NFIA: variants seen among roughly 807,000 people sequenced by gnomAD.
NFIA encodes nuclear factor I A.
A neutral mutation model predicts 62.8 loss-of-function variants in NFIA; 8 were observed. The ratio of observed to expected loss-of-function variants is 0.13; its 90% CI spans 0.07 to 0.23. NFIA has a LOEUF of 0.23. Among genes scored for constraint, NFIA ranks in the 10% least tolerant of loss-of-function variants. The pLI is 1.00. For synonymous variants in NFIA, 235 were observed against 238.1 expected (o/e 0.99, Z 0.12); for missense variants, 410 against 642.1 (o/e 0.64, Z 3.91).
intron 10 of NFIA, among the ~76,000 whole-genome samples, chr1:61,442,324 G>A (rs1033293549): frequency 6.6e-6 from 1 of 152,122 alleles, no homozygotes; most frequent in Non-Finnish European, 1.5e-5. Flanking sequence ...AAAATTATAG[G>A]TGAATGAAAC....
chr1:61,096,373 A>T (rs1400764082), intron 2 of NFIA, among the ~76,000 whole-genome samples: 1 of 150,748 alleles, frequency 6.6e-6, no homozygotes, highest in Admixed American at 6.6e-5. Context: ...ACCCCCATGC[A>T]TGTAATTTTT....
intron 2 of NFIA, among the ~76,000 whole-genome samples, chr1:61,201,669 C>G (rs1174929109): frequency 6.6e-6 from 1 of 152,086 alleles, no homozygotes; most frequent in African/African-American, 2.4e-5. Flanking sequence ...CCTTGAGAAG[C>G]ATAATTTAAT....
intron 5 of NFIA, among the ~76,000 whole-genome samples, chr1:61,357,038 G>T (rs897727609): frequency 6.6e-6 from 1 of 151,990 alleles, no homozygotes; most frequent in African/African-American, 2.4e-5. Flanking sequence ...AGATTATTTC[G>T]GGGAGTCTAC....
In NFIA at chr1:61,459,435, C is replaced by T. The variant is rs41309159; in HGVS notation, c.*4115C>T. The T allele has an allele frequency of 0.057, 8,614 of 152,302 alleles. 332 individuals are homozygous for T. The highest frequency in any genetic ancestry group is 0.095 in the Middle Eastern group (28 of 296). The allele number at this position is 152,302 out of a possible 1,614,324, so 9.4% of individuals were successfully genotyped here. A position where few individuals can be genotyped will look rare whatever the true frequency, so the allele number is the denominator to read the frequency against. ...GGGCCTCCCAGTAATGCCACGCTCTCCATGCTAGAGAGCCTTCTCTTTCCT... is the reference window on the plus strand; with the variant it reads ...GGGCCTCCCAGTAATGCCACGCTCTTCATGCTAGAGAGCCTTCTCTTTCCT... On this transcript the variant is annotated 3_prime_UTR_variant, in exon 11 of 11. Transcript: ENST00000403491.
At chr1:61,098,025 C>T (rs994473752) in intron 2 of NFIA, among the ~76,000 whole-genome samples, 4 of 152,030 alleles carry the variant, frequency 2.6e-5, no homozygotes, top group Non-Finnish European at 5.9e-5. Flanking sequence ...TTTAACATTC[C>T]AAATGAATGA....
At chr1:61,119,390 A>T (rs1026097418) in intron 2 of NFIA, among the ~76,000 whole-genome samples, 2 of 152,248 alleles carry the variant, frequency 1.3e-5, no homozygotes, top group Admixed American at 1.3e-4. Context: ...TTTTAGAAAT[A>T]GCTCTAGAAA....
chr1:61,391,435 AACACACACACACACAC>A (rs60938787), intron 7 of NFIA, among the ~76,000 whole-genome samples: 245 of 124,672 alleles, frequency 2.0e-3, no homozygotes, highest in African/African-American at 4.4e-3. Flanking sequence ...TTATGAATCA[AACACACACACACACAC>A]ACACACACAC....
At chr1:61,115,757 A>G (rs1349003028) in intron 2 of NFIA, among the ~76,000 whole-genome samples, 1 of 152,218 alleles carries the variant, frequency 6.6e-6, no homozygotes, top group African/African-American at 2.4e-5. Context: ...TGTTGAAAAC[A>G]TTTGTCCACT....
intron 3 of NFIA, among the ~76,000 whole-genome samples, chr1:61,315,273 G>A (rs1046644886): frequency 2.0e-5 from 3 of 152,164 alleles, no homozygotes; most frequent in Non-Finnish European, 4.4e-5. Flanking sequence ...AAATGCCTAC[G>A]GTAGTGAAAA....
intron 7 of NFIA, among the ~76,000 whole-genome samples, chr1:61,397,294 C>A (rs1210532735): frequency 6.6e-6 from 1 of 152,144 alleles, no homozygotes; most frequent in Non-Finnish European, 1.5e-5. Context: ...ATTGTTGCTA[C>A]TGCTGTTGTT....
chr1:61,205,253 T>C (rs1652818856), intron 2 of NFIA, among the ~76,000 whole-genome samples: 2 of 152,206 alleles, frequency 1.3e-5, no homozygotes, highest in South Asian at 4.1e-4. Flanking sequence ...CTTAATATTA[T>C]ACTAAGTTGC....
chr1:61,275,530 A>G (rs1050172563), intron 2 of NFIA, among the ~76,000 whole-genome samples: 67 of 152,214 alleles, frequency 4.4e-4, no homozygotes, highest in African/African-American at 1.5e-3. Context: ...GTGATTAATT[A>G]TAAAGATATT....
At position 61,404,295 on chromosome 1, in the gene NFIA, C is replaced by T; in HGVS notation, c.1254+13C>T. ...GGGGTTCCTCAATGTAAGGAAACCTCTTTTTTTCCATTTCTTTAGAAATGT... is the reference window on the plus strand; with the variant it reads ...GGGGTTCCTCAATGTAAGGAAACCTTTTTTTTTCCATTTCTTTAGAAATGT... On this transcript the variant is annotated intron_variant, in intron 8 of 10. Coordinates refer to ENST00000403491, the MANE Select transcript of NFIA (RefSeq NM_001134673.4). The T allele has an allele frequency of 6.3e-7, 1 of 1,586,106 alleles. No individual in the cohort carries two copies. Among genetic ancestry groups the T allele is most frequent in the Non-Finnish European group, 8.6e-7 (1 of 1,168,246 alleles).
intron 2 of NFIA, among the ~76,000 whole-genome samples, chr1:61,216,059 G>A (rs1653604499): frequency 6.6e-6 from 1 of 152,210 alleles, no homozygotes; most frequent in Non-Finnish European, 1.5e-5. Flanking sequence ...TGGTGCTGAT[G>A]CACTGTGATA....
intron 9 of NFIA, among the ~76,000 whole-genome samples, chr1:61,418,567 T>C (rs1666463275): frequency 1.3e-5 from 2 of 152,360 alleles, no homozygotes; most frequent in South Asian, 4.1e-4. Context: ...TTGATCATGA[T>C]ATATGTGTGT....
intron 2 of NFIA, among the ~76,000 whole-genome samples, chr1:61,234,239 T>C (rs1029557681): frequency 6.6e-6 from 1 of 151,956 alleles, no homozygotes; most frequent in Non-Finnish European, 1.5e-5. Context: ...TGTTGGCACA[T>C]GCCTGTAATC....
chr1:61,153,930 A>C (rs942645809), intron 2 of NFIA, among the ~76,000 whole-genome samples: 1 of 152,198 alleles, frequency 6.6e-6, no homozygotes, highest in Non-Finnish European at 1.5e-5. Context: ...GTTTACCCAA[A>C]GGCCCTTGTT....
At chr1:61,300,858 T>C (rs1659461354) in intron 3 of NFIA, among the ~76,000 whole-genome samples, 1 of 151,908 alleles carries the variant, frequency 6.6e-6, no homozygotes, top group South Asian at 2.1e-4. Flanking sequence ...TACAGTAAGA[T>C]AGAAAATATA....
chr1:61,085,850 G>A (rs75395799), intron 1 of NFIA, among the ~76,000 whole-genome samples: 3,357 of 152,198 alleles, frequency 0.022, 112 homozygotes, highest in African/African-American at 0.077. Flanking sequence ...AGTTGTTCTT[G>A]TTTAAGGATT....
Sources: allele counts gnomAD v4.1 joint callset (sites outside exome capture counted in the v4.1 genomes callset), GRCh38; gene constraint gnomAD v4.1.1; transcripts MANE v1.5; gene names NCBI Gene and HGNC (gene_info 2026-07-23, HGNC 2026-07-21).